Variants in ASH1L observed in about 807,000 individuals in gnomAD.
ASH1L encodes the protein histone-lysine N-methyltransferase ASH1L.
A neutral mutation model predicts 269.0 loss-of-function variants in ASH1L; 23 were observed. That is an observed-to-expected ratio of 0.09 (90% CI 0.06 to 0.12). The LOEUF (loss-of-function observed/expected upper bound fraction) is 0.12, where lower values mean the gene tolerates loss of function less well. ASH1L is among the 10% of genes least tolerant of loss of function. The probability of loss-of-function intolerance (pLI) is 1.00; values close to 1 mark genes in which losing one functional copy is unlikely to be tolerated. For synonymous variants in ASH1L, 1,187 were observed against 1,253.5 expected (o/e 0.95, Z 1.12); for missense variants, 2,912 against 3,567.8 (o/e 0.82, Z 4.68).
At chr1:155,562,867 ACCGCCGCCACGGCCGCCGCCG>A (rs1558230824), upstream of ASH1L, 4 of 330,894 alleles carry the variant, frequency 1.2e-5, 1 homozygote, top group South Asian at 7.7e-5. Flanking sequence ...ACGGCCACCA[ACCGCCGCCACGGCCGCCGCCG>A]CCGCCGCCAG....
intron 2 of ASH1L, among the ~76,000 whole-genome samples, chr1:155,484,583 A>T (rs1465678632): frequency 6.6e-6 from 1 of 152,172 alleles, no homozygotes; most frequent in Admixed American, 6.5e-5. Flanking sequence ...TATAAAACAC[A>T]ATATTGAGAA....
At chr1:155,403,138 T>A (rs1436425425) in intron 6 of ASH1L, among the ~76,000 whole-genome samples, 1 of 151,334 alleles carries the variant, frequency 6.6e-6, no homozygotes, top group East Asian at 1.9e-4. Flanking sequence ...TGAGCCAAGA[T>A]CGTGCCATTG....
chr1:155,478,300 C>G lies in ASH1L; in HGVS notation c.4570G>C (p.Val1524Leu). ...LKRYRFGKDAVGERYKHKEKH... is the reference protein window; with the variant it reads ...LKRYRFGKDALGERYKHKEKH... ...TCCTTATGCTTATATCGCTCTCCAA[C>G]AGCATCCTTTCCAAATCTATAGCGC... Residue 1524 changes from valine to leucine, a missense_variant, in exon 3 of 28, where the codon GTT (valine) becomes CTT (leucine). By Grantham distance (32) the Val-to-Leu change is conservative. Transcript: ENST00000392403. The surrounding 1 kb of genome is among the most constrained non-coding windows in gnomAD (Gnocchi z 4.6). 2 of 1,614,164 alleles carry G rather than the reference C, an allele frequency of 1.2e-6. No homozygotes were observed. Among genetic ancestry groups the G allele is most frequent in the Non-Finnish European group, 1.7e-6 (2 of 1,180,040 alleles).
chr1:155,433,572 A>T, intron 5 of ASH1L: 1 of 1,611,010 alleles, frequency 6.2e-7, no homozygotes, highest in South Asian at 1.1e-5. Flanking sequence ...AAGCTGGAGC[A>T]AAACCCGCAG....
chr1:155,558,935 C>A (rs1671782367), intron 1 of ASH1L, among the ~76,000 whole-genome samples: 1 of 148,886 alleles, frequency 6.7e-6, no homozygotes, highest in African/African-American at 2.5e-5. Flanking sequence ...ACCTCCACTT[C>A]AGGGATTCAA....
intron 2 of ASH1L, among the ~76,000 whole-genome samples, chr1:155,514,950 T>C (rs1668399610): frequency 6.6e-6 from 1 of 152,060 alleles, no homozygotes. Flanking sequence ...GGATTTTATA[T>C]CACAACCGGC....
At chr1:155,545,925 G>C (rs574915079) in intron 1 of ASH1L, among the ~76,000 whole-genome samples, 1 of 152,202 alleles carries the variant, frequency 6.6e-6, no homozygotes, top group East Asian at 1.9e-4. Flanking sequence ...GGGAGGCCAA[G>C]GCAGGCAGAT....
intron 2 of ASH1L, among the ~76,000 whole-genome samples, chr1:155,515,046 G>A (rs1442865225): frequency 6.6e-6 from 1 of 152,148 alleles, no homozygotes; most frequent in Non-Finnish European, 1.5e-5. Flanking sequence ...CATGGTCACC[G>A]TTTGGTGGTC....
In ASH1L at chr1:155,562,519, C is replaced by A. The variant is rs1193837686; in HGVS notation, c.-466G>T. 4 of 1,516,062 alleles carry A rather than the reference C, an allele frequency of 2.6e-6. No homozygotes were observed. In the African/African-American group the frequency reaches 5.5e-5, roughly 21 times the overall value. 93.9% of individuals were successfully genotyped at this position (1,516,062 alleles called of 1,614,324 possible). A position where few individuals can be genotyped will look rare whatever the true frequency, so the allele number is the denominator to read the frequency against. ...AGCGAAGGGCGCCTAGCGCCCCCCT[C>A]AACCTTCCACTCCTTCCTCCTTGCG... On this transcript the variant is annotated 5_prime_UTR_variant, in exon 1 of 28. Transcript: ENST00000392403.
chr1:155,348,896 A>AT (rs1452059519), intron 19 of ASH1L, among the ~76,000 whole-genome samples: 3,200 of 53,734 alleles, frequency 0.06, 65 homozygotes, highest in South Asian at 0.21. Context: ...AAAAAAAAAA[A>AT]AAAATATATA....
intron 1 of ASH1L, among the ~76,000 whole-genome samples, chr1:155,559,428 G>A (rs1392520080): frequency 4.0e-5 from 6 of 151,858 alleles, no homozygotes; most frequent in African/African-American, 7.2e-5. Context: ...CCAGCTACTC[G>A]GGAGGCTGAG....
chr1:155,537,292 C>T (rs1463509056), intron 1 of ASH1L, among the ~76,000 whole-genome samples: 1 of 152,056 alleles, frequency 6.6e-6, no homozygotes, highest in Non-Finnish European at 1.5e-5. Context: ...TTTAAAGAAA[C>T]AAACAAGAAG....
At chr1:155,383,770 G>T (rs1657178593) in intron 7 of ASH1L, among the ~76,000 whole-genome samples, 1 of 152,158 alleles carries the variant, frequency 6.6e-6, no homozygotes, top group Admixed American at 6.6e-5. Flanking sequence ...AGGCTGAGGG[G>T]AACAGAGAAT....
intron 19 of ASH1L, 99 bp from the exon 20 acceptor site, chr1:155,348,003 C>T (rs967831000): frequency 2.1e-5 from 31 of 1,489,286 alleles, no homozygotes; most frequent in Non-Finnish European, 2.8e-5. Flanking sequence ...CTTTACCCTC[C>T]CATTTTGGTT....
chr1:155,551,585 G>A (rs1305064457), intron 1 of ASH1L, among the ~76,000 whole-genome samples: 2 of 147,834 alleles, frequency 1.4e-5, no homozygotes, highest in African/African-American at 2.5e-5. Context: ...GCGTGAACCC[G>A]GGAGGCGGAG....
chr1:155,471,179 G>A (rs1363324699), intron 3 of ASH1L, among the ~76,000 whole-genome samples: 1 of 152,152 alleles, frequency 6.6e-6, no homozygotes, highest in Non-Finnish European at 1.5e-5. Context: ...GAGATTCCAA[G>A]ATAGAGAACA....
chr1:155,479,560 G>T lies in ASH1L; in HGVS notation c.3310C>A (p.Pro1104Thr). 6.2e-7 allele frequency: 1 copy of T among 1,614,188 alleles called. No homozygotes were observed. Among genetic ancestry groups the T allele is most frequent in the Non-Finnish European group, 8.5e-7 (1 of 1,180,030 alleles). Residue 1104 changes from proline (P) to threonine (T), a missense_variant, in exon 3 of 28, where the codon CCA becomes ACA. Physicochemically the swap from Pro to Thr is conservative, Grantham distance 38 (BLOSUM62 -1). Transcript: ENST00000392403. ...GAAGACTGAGAGCAAATAGGTGATG[G>T]AAGAATCTCAGAACTACTAGCAGAT... is the stretch of plus-strand genomic sequence containing the variant. ...PSSASSSEILPSPICSQSSGT... is the reference protein window; with the variant it reads ...PSSASSSEILTSPICSQSSGT...
In ASH1L at chr1:155,360,293, A is replaced by G. The variant is rs749705766; in HGVS notation, c.6795+8T>C. 3 of 1,563,256 alleles carry G rather than the reference A, an allele frequency of 1.9e-6. No homozygotes were observed. The highest frequency in any genetic ancestry group is 2.6e-6 in the Non-Finnish European group (3 of 1,133,994). On this transcript the variant is annotated splice_region_variant and intron_variant, in intron 13 of 27. Coordinates refer to ENST00000392403, the MANE Select transcript of ASH1L (RefSeq NM_018489.3). ...GTTCAATCTCCCTCTAGGATTTATT[A>G]TTCTTACCTGTTTTTCCACATTGAA...
chr1:155,398,227 A>C (rs1334433321), intron 6 of ASH1L, among the ~76,000 whole-genome samples: 1 of 152,240 alleles, frequency 6.6e-6, no homozygotes, highest in African/African-American at 2.4e-5. Flanking sequence ...ACACAAACAT[A>C]ACTTAATAGA....
Sources: allele counts gnomAD v4.1 joint callset (sites outside exome capture counted in the v4.1 genomes callset), GRCh38; gene constraint gnomAD v4.1.1; non-coding constraint Gnocchi (gnomAD v3.1); transcripts MANE v1.5; gene names NCBI Gene and HGNC (gene_info 2026-07-23, HGNC 2026-07-21).